Variants in RHOF observed in about 807,000 individuals in gnomAD.
RHOF encodes the protein rho-related GTP-binding protein RhoF.
In RHOF, 21 loss-of-function variants were observed where a neutral mutation model predicts 22.2. The observed-to-expected ratio is 0.95, with a 90% CI of 0.67 to 1.36. The LOEUF is 1.36. Ranked by LOEUF, RHOF falls within the 40% of genes most tolerant of loss-of-function variation. The pLI is 0.00. For synonymous variants in RHOF, 135 were observed against 131.2 expected, an observed-to-expected ratio of 1.03 and a Z score of -0.20; for missense variants, 285 against 293.7, an observed-to-expected ratio of 0.97 and a Z score of 0.22.
chr12:121,787,298 C>T (rs1375048057), intron 2 of RHOF, among the ~76,000 whole-genome samples: 1 of 152,208 alleles, frequency 6.6e-6, no homozygotes, highest in Non-Finnish European at 1.5e-5. Context: ...TTCAAGCAGC[C>T]ACCCTGGGAG....
chr12:121,784,544 CAAAAAAAAAA>C (rs1184197669), intron 2 of RHOF, among the ~76,000 whole-genome samples: 1 of 71,602 alleles, frequency 1.4e-5, no homozygotes, highest in East Asian at 3.8e-4. Context: ...GACGTCGTCT[CAAAAAAAAAA>C]AAAAAGAAAA....
chr12:121,792,493 C>T (rs191309464), intron 2 of RHOF, among the ~76,000 whole-genome samples: 1 of 152,366 alleles, frequency 6.6e-6, no homozygotes, highest in African/African-American at 2.4e-5. Context: ...GGGGCCCCTG[C>T]CCCCAGTGCT....
chr12:121,780,167 CCTGCCT>C (rs1459997044), intron 4 of RHOF: 1 of 156,130 alleles, frequency 6.4e-6, no homozygotes, highest in Non-Finnish European at 1.4e-5. Context: ...AAGCGATTCT[CCTGCCT>C]CAGCCTCCCG....
At chr12:121,793,383 CG>C in intron 1 of RHOF, 112 bp downstream of exon 1, 1 of 1,463,818 alleles carries the variant, frequency 6.8e-7, no homozygotes, top group Non-Finnish European at 9.2e-7. Flanking sequence ...GGGGGCGCCC[CG>C]GGGTGGCGGC....
At chr12:121,780,002 T>G (rs1477179658) in intron 4 of RHOF, 1 of 243,446 alleles carries the variant, frequency 4.1e-6, no homozygotes, top group Non-Finnish European at 8.1e-6. Flanking sequence ...AGAAAGGACT[T>G]CCAGCCACCT....
intron 2 of RHOF, among the ~76,000 whole-genome samples, chr12:121,790,385 C>T (rs1874733578): frequency 6.6e-6 from 1 of 152,284 alleles, no homozygotes; most frequent in Admixed American, 6.5e-5. Flanking sequence ...CATTCCCTCA[C>T]CCTCTTGGCC....
At chr12:121,781,485 C>T (rs374089381) in intron 2 of RHOF, 21 of 350,552 alleles carry the variant, frequency 6.0e-5, no homozygotes, top group East Asian at 5.3e-4. Context: ...CAACAAAACC[C>T]ATGAGCGGCA....
At chr12:121,787,672 C>T (rs1226523191) in intron 2 of RHOF, among the ~76,000 whole-genome samples, 6 of 152,128 alleles carry the variant, frequency 3.9e-5, no homozygotes, top group South Asian at 2.1e-4. Flanking sequence ...GAGGCTGAGG[C>T]GGGCGGATCG....
At chr12:121,786,723 C>A (rs1348836988) in intron 2 of RHOF, among the ~76,000 whole-genome samples, 2 of 151,966 alleles carry the variant, frequency 1.3e-5, no homozygotes, top group African/African-American at 4.8e-5. Context: ...TCATGGCTCT[C>A]ACCCCTACCT....
chr12:121,783,015 C>T (rs1874512969), intron 2 of RHOF: 1 of 152,230 alleles, frequency 6.6e-6, no homozygotes, highest in African/African-American at 2.4e-5. Flanking sequence ...GCCTCAGTTG[C>T]ACAAGCCTCA....
chr12:121,791,164 C>T (rs867037884), intron 2 of RHOF, among the ~76,000 whole-genome samples: 1 of 151,210 alleles, frequency 6.6e-6, no homozygotes, highest in Admixed American at 6.6e-5. Context: ...CTCGCCCTGT[C>T]ACCCAGGCTG....
chr12:121,793,465 GC>G, intron 1 of RHOF, 30 bp downstream of exon 1: 3 of 1,537,624 alleles, frequency 2.0e-6, no homozygotes, highest in Middle Eastern at 2.1e-4. Context: ...GGCGTCCCTC[GC>G]CCCCACCCCA....
chr12:121,784,746 C>G (rs1874562229), intron 2 of RHOF, among the ~76,000 whole-genome samples: 1 of 152,176 alleles, frequency 6.6e-6, no homozygotes, highest in African/African-American at 2.4e-5. Context: ...CTGATACACA[C>G]TAACGTGCTA....
At chr12:121,788,379 C>A (rs1292790218) in intron 2 of RHOF, among the ~76,000 whole-genome samples, 3 of 152,090 alleles carry the variant, frequency 2.0e-5, no homozygotes, top group South Asian at 2.1e-4. Context: ...AGGCAGCCAG[C>A]TCCGACTCCA....
chr12:121,780,517 A>G, intron 4 of RHOF: 1 of 424,732 alleles, frequency 2.4e-6, no homozygotes. Flanking sequence ...AGGACACGAC[A>G]GGACGGCGGC....
chr12:121,779,671 G>T lies in RHOF; in HGVS notation c.472-9C>A. ...TCGCAGGCGCTCAGGCCCTGGGTGG[G>T]GGGAGGAGCCAGCATTAGGTGAGGG... is the stretch of plus-strand genomic sequence containing the variant. On this transcript the variant is annotated splice_polypyrimidine_tract_variant and intron_variant, in intron 4 of 4. Transcript: ENST00000267205. 1.2e-6 allele frequency: 2 copies of T among 1,613,550 alleles called. No individual in the cohort carries two copies. Among genetic ancestry groups the T allele is most frequent in the South Asian group, 1.1e-5 (1 of 91,080 alleles).
At position 121,779,035 on chromosome 12, in the gene RHOF, C is replaced by T. The variant is rs1226586547; in HGVS notation, c.*463G>A. The T allele has an allele frequency of 6.2e-6, 1 of 162,066 alleles. No homozygotes were observed. Among genetic ancestry groups the T allele is most frequent in the Admixed American group, 5.8e-5 (1 of 17,162 alleles). 10.0% of individuals were successfully genotyped at this position (162,066 alleles called of 1,614,324 possible). On this transcript the variant is annotated 3_prime_UTR_variant, in exon 5 of 5. Coordinates refer to ENST00000267205, the MANE Select transcript of RHOF (RefSeq NM_019034.3). Reference sequence around the variant, plus strand: ...AGCCCCCTCGGTGGCCTCCGTGTTCCTGGGGGAAGGAAGGAAGGAGCTGGA... The same window carrying T: ...AGCCCCCTCGGTGGCCTCCGTGTTCTTGGGGGAAGGAAGGAAGGAGCTGGA...
intron 2 of RHOF, among the ~76,000 whole-genome samples, chr12:121,785,052 C>T (rs146470775): frequency 1.3e-5 from 2 of 152,154 alleles, no homozygotes; most frequent in African/African-American, 4.8e-5. Context: ...GGCCAGGCAC[C>T]GTGGCTCACA....
At chr12:121,790,803 G>A (rs1052514419) in intron 2 of RHOF, among the ~76,000 whole-genome samples, 13 of 152,232 alleles carry the variant, frequency 8.5e-5, no homozygotes, top group Admixed American at 5.9e-4. Context: ...TTGGGGCATG[G>A]CACCGTAGAT....
Sources: allele counts gnomAD v4.1 joint callset (sites outside exome capture counted in the v4.1 genomes callset), GRCh38; gene constraint gnomAD v4.1.1; transcripts MANE v1.5; gene names NCBI Gene and HGNC (gene_info 2026-07-23, HGNC 2026-07-21).